Variants in IRAK1BP1 observed in about 807,000 individuals in gnomAD.
IRAK1BP1 encodes interleukin-1 receptor-associated kinase 1-binding protein 1.
IRAK1BP1 carries 24 observed loss-of-function variants against 28.0 expected under a neutral mutation model. The ratio of observed to expected loss-of-function variants is 0.86; its 90% confidence interval spans 0.62 to 1.20. The LOEUF (loss-of-function observed/expected upper bound fraction) is 1.20. IRAK1BP1 is among the 50% of genes most tolerant of loss of function. The pLI is 0.00. For missense variants in IRAK1BP1, 336 were observed against 316.7 expected (o/e 1.06, Z -0.46); for synonymous variants, 131 against 116.3 (o/e 1.13, Z -0.81).
At chr6:78,947,598 A>G, downstream of IRAK1BP1, 1 of 1,179,524 alleles carries the variant, frequency 8.5e-7, no homozygotes, top group Non-Finnish European at 1.2e-6. Context: ...ATCTAGTCAT[A>G]AAAGAAAATA....
At chr6:78,973,952 C>T in the IRAK1BP1 span, among the ~76,000 whole-genome samples, 1 of 152,010 alleles carries the variant, frequency 6.6e-6, no homozygotes. Flanking sequence ...CCACTGTCAA[C>T]ATTAGACAGA....
At chr6:78,935,802 T>TA in intron 4 of IRAK1BP1, 1 of 950,102 alleles carries the variant, frequency 1.1e-6, no homozygotes, top group Non-Finnish European at 1.3e-6. Flanking sequence ...GATTATGTAC[T>TA]AAGTGCTTTA....
chr6:78,922,839 G>A (rs1314103556), intron 4 of IRAK1BP1, among the ~76,000 whole-genome samples: 1 of 152,090 alleles, frequency 6.6e-6, no homozygotes, highest in Non-Finnish European at 1.5e-5. Context: ...CAGAAGTGAA[G>A]GAGAAATAAA....
chr6:78,869,972 G>A (rs868284183), intron 1 of IRAK1BP1, among the ~76,000 whole-genome samples: 3 of 152,010 alleles, frequency 2.0e-5, no homozygotes, highest in Non-Finnish European at 4.4e-5. Flanking sequence ...AGCCAAGCAT[G>A]GTGGTGCATG....
chr6:78,955,480 TG>T, the IRAK1BP1 span: 7 of 554,142 alleles, frequency 1.3e-5, no homozygotes, highest in South Asian at 3.1e-5. Flanking sequence ...TACTGCCAGT[TG>T]TTTTTTTTTT....
At chr6:78,942,581 C>A (rs1052182852) in intron 4 of IRAK1BP1, among the ~76,000 whole-genome samples, 1 of 152,084 alleles carries the variant, frequency 6.6e-6, no homozygotes, top group Non-Finnish European at 1.5e-5. Flanking sequence ...TAATTCCTGA[C>A]CCCCATAGTG....
chr6:78,920,051 C>T (rs574116141), intron 4 of IRAK1BP1, among the ~76,000 whole-genome samples: 22 of 152,170 alleles, frequency 1.4e-4, no homozygotes, highest in African/African-American at 5.3e-4. Context: ...GTCAGGAAAT[C>T]GAGACCATCC....
chr6:78,934,302 T>C (rs1041305350), intron 4 of IRAK1BP1, among the ~76,000 whole-genome samples: 3 of 152,210 alleles, frequency 2.0e-5, no homozygotes, highest in African/African-American at 4.8e-5. Context: ...ATATCGCAAT[T>C]ACCAAAATGT....
At chr6:78,970,277 G>A in the IRAK1BP1 span, 1 of 908,016 alleles carries the variant, frequency 1.1e-6, no homozygotes, top group East Asian at 2.4e-5. Flanking sequence ...ATCTTGATCT[G>A]GATGGTGATG....
intron 4 of IRAK1BP1, among the ~76,000 whole-genome samples, chr6:78,927,730 C>G (rs1441486067): frequency 6.6e-6 from 1 of 152,068 alleles, no homozygotes; most frequent in Non-Finnish European, 1.5e-5. Flanking sequence ...AGATAGGGGT[C>G]TAGTTTCATT....
the IRAK1BP1 span, chr6:78,957,295 A>G: frequency 6.6e-6 from 1 of 152,040 alleles, no homozygotes; most frequent in African/African-American, 2.4e-5. Flanking sequence ...ACACATAGTT[A>G]TAACACTTAT....
intron 2 of IRAK1BP1, among the ~76,000 whole-genome samples, chr6:78,895,088 G>T (rs1417089198): frequency 6.6e-6 from 1 of 151,236 alleles, no homozygotes; most frequent in Non-Finnish European, 1.5e-5. Flanking sequence ...ACTCCAGCCT[G>T]GGCAACTGAG....
chr6:78,910,451 A>G (rs918335476), intron 4 of IRAK1BP1, among the ~76,000 whole-genome samples: 1 of 152,242 alleles, frequency 6.6e-6, no homozygotes, highest in African/African-American at 2.4e-5. Flanking sequence ...AGAGTAAACT[A>G]TTCATGGAAA....
chr6:78,880,064 A>G (rs771638177), intron 1 of IRAK1BP1, among the ~76,000 whole-genome samples: 1 of 152,162 alleles, frequency 6.6e-6, no homozygotes, highest in Non-Finnish European at 1.5e-5. Context: ...TTGAGTGTAG[A>G]TCAAAAGACT....
At chr6:78,941,868 AT>A (rs1314211720) in intron 4 of IRAK1BP1, among the ~76,000 whole-genome samples, 1 of 152,198 alleles carries the variant, frequency 6.6e-6, no homozygotes, top group Non-Finnish European at 1.5e-5. Context: ...AAACTCCATG[AT>A]AAAAGGCCAT....
rs889861425 is a variant in IRAK1BP1, at chr6:78,902,640, G to A, written c.*4306G>A. On this transcript the variant is annotated 3_prime_UTR_variant, in exon 4 of 4. Transcript: ENST00000369940. ...ACAGAAGTTACTCAGGCGTGGTGGC[G>A]TGTGACTGTAATCTCAGCTACCGGG... is the stretch of plus-strand genomic sequence containing the variant. The A allele has an allele frequency of 1.1e-4, 20 of 183,784 alleles. No homozygotes were observed. Among genetic ancestry groups the A allele is most frequent in the African/African-American group, 3.3e-4 (14 of 42,832 alleles). 11.4% of individuals were successfully genotyped at this position (183,784 alleles called of 1,614,324 possible).
the IRAK1BP1 span, chr6:78,958,090 A>C: frequency 6.3e-6 from 1 of 158,738 alleles, no homozygotes; most frequent in African/African-American, 2.4e-5. Flanking sequence ...CCAGATAATT[A>C]TCTCTTCCAC....
chr6:78,914,044 A>G (rs894333402), intron 4 of IRAK1BP1, among the ~76,000 whole-genome samples: 16 of 152,240 alleles, frequency 1.1e-4, no homozygotes, highest in African/African-American at 3.9e-4. Flanking sequence ...ATGTTCCAAA[A>G]TGTTACAAAT....
the IRAK1BP1 span, among the ~76,000 whole-genome samples, chr6:78,968,051 T>C: frequency 6.6e-6 from 1 of 151,834 alleles, no homozygotes; most frequent in Non-Finnish European, 1.5e-5. Flanking sequence ...GGTAGAATGG[T>C]GTGAACCTGG....
Sources: allele counts gnomAD v4.1 joint callset (sites outside exome capture counted in the v4.1 genomes callset), GRCh38; gene constraint gnomAD v4.1.1; transcripts MANE v1.5; gene names NCBI Gene and HGNC (gene_info 2026-07-23, HGNC 2026-07-21).